Variants in RP1 observed in about 807,000 individuals in gnomAD.
The protein encoded by RP1 is RP1 axonemal microtubule associated.
Under a neutral mutation model 14.8 loss-of-function variants are expected in RP1, and 16 were observed. The observed-to-expected ratio is 1.08, with a 90% CI of 0.73 to 1.65. The LOEUF (loss-of-function observed/expected upper bound fraction) is 1.65. Among genes scored for constraint, RP1 ranks in the 40% most tolerant of loss-of-function variants. The pLI is 0.00. For missense variants in RP1, 2,631 were observed against 2,535.0 expected (o/e 1.04, Z -0.81); for synonymous variants, 876 against 883.6 (o/e 0.99, Z 0.15).
chr8:54,809,168 T>A (rs183613532), intron 24 of RP1, among the ~76,000 whole-genome samples: 133 of 152,324 alleles, frequency 8.7e-4, no homozygotes, highest in African/African-American at 3.1e-3. Flanking sequence ...TAGAAAGAAA[T>A]GTGGCTCTAT....
At chr8:54,851,547 T>A (rs1812061307) in intron 25 of RP1, among the ~76,000 whole-genome samples, 1 of 152,206 alleles carries the variant, frequency 6.6e-6, no homozygotes, top group African/African-American at 2.4e-5. Context: ...CAGTTCCACA[T>A]GTTGTCAGAC....
At chr8:54,635,128 A>G (rs1007256556), downstream of RP1, among the ~76,000 whole-genome samples, 10 of 152,028 alleles carry the variant, frequency 6.6e-5, no homozygotes, top group African/African-American at 2.2e-4. Flanking sequence ...TTTTTTATCA[A>G]TGGGAATTCT....
At chr8:54,659,483 G>A (rs1455366164) in intron 6 of RP1, among the ~76,000 whole-genome samples, 1 of 151,968 alleles carries the variant, frequency 6.6e-6, no homozygotes, top group Non-Finnish European at 1.5e-5. Flanking sequence ...ATTTATCGAC[G>A]AGACTGTCTT....
exon 13 of RP1, chr8:54,699,552 T>A (rs1204294892): frequency 7.2e-7 from 1 of 1,389,338 alleles, no homozygotes; most frequent in African/African-American, 1.4e-5. Context: ...CTCTTGACAA[T>A]GGCATTGTCA....
At chr8:54,716,573 A>C (rs1388523632) in intron 15 of RP1, among the ~76,000 whole-genome samples, 1 of 152,138 alleles carries the variant, frequency 6.6e-6, no homozygotes, top group Non-Finnish European at 1.5e-5. Context: ...CATTTTGGGC[A>C]ACATAGGGCT....
chr8:54,775,692 A>G (rs886684355), intron 23 of RP1, among the ~76,000 whole-genome samples: 3 of 152,174 alleles, frequency 2.0e-5, no homozygotes, highest in African/African-American at 7.2e-5. Flanking sequence ...ATAAGAAATG[A>G]TTGTCATTGT....
intron 22 of RP1, among the ~76,000 whole-genome samples, chr8:54,765,430 G>A (rs779884628): frequency 6.6e-6 from 1 of 152,222 alleles, no homozygotes; most frequent in Non-Finnish European, 1.5e-5. Flanking sequence ...AGGAAAAGAA[G>A]CAGGGGCAGC....
At chr8:54,674,745 T>C (rs1334027375) in intron 8 of RP1, among the ~76,000 whole-genome samples, 1 of 152,046 alleles carries the variant, frequency 6.6e-6, no homozygotes, top group Non-Finnish European at 1.5e-5. Flanking sequence ...AAAAAAATTA[T>C]GAGTAAGATT....
intron 1 of RP1, among the ~76,000 whole-genome samples, chr8:54,601,929 A>G (rs1048289610): frequency 2.2e-4 from 34 of 152,188 alleles, no homozygotes; most frequent in Non-Finnish European, 4.1e-4. Flanking sequence ...GGGCTGGTGT[A>G]GGGGTGGTGG....
At chr8:54,634,891 C>T (rs945485521), downstream of RP1, among the ~76,000 whole-genome samples, 5 of 152,030 alleles carry the variant, frequency 3.3e-5, no homozygotes, top group Non-Finnish European at 5.9e-5. Flanking sequence ...ACCATCCTGG[C>T]GAACACGTTG....
At chr8:54,562,683 A>T (rs1563312989) in intron 1 of RP1, among the ~76,000 whole-genome samples, 1 of 152,216 alleles carries the variant, frequency 6.6e-6, no homozygotes, top group Non-Finnish European at 1.5e-5. Flanking sequence ...TCAAAAAAAA[A>T]AAAATCTTTT....
chr8:54,868,650 G>T (rs1384171378), intron 28 of RP1, among the ~76,000 whole-genome samples: 1 of 152,016 alleles, frequency 6.6e-6, no homozygotes, highest in Non-Finnish European at 1.5e-5. Flanking sequence ...CTATGATTTT[G>T]TGAATTATCT....
intron 1 of RP1, among the ~76,000 whole-genome samples, chr8:54,575,714 C>A (rs1055201958): frequency 1.3e-5 from 2 of 152,036 alleles, no homozygotes; most frequent in African/African-American, 2.4e-5. Context: ...TGGATTTGTG[C>A]ACAGATTATT....
intron 24 of RP1, among the ~76,000 whole-genome samples, chr8:54,831,385 G>T (rs1811520148): frequency 7.2e-6 from 1 of 139,166 alleles, no homozygotes; most frequent in Non-Finnish European, 1.6e-5. Context: ...CTCTTTTTTG[G>T]GATAACCTAT....
intron 21 of RP1, among the ~76,000 whole-genome samples, chr8:54,758,368 C>A (rs1293426044): frequency 1.3e-5 from 2 of 150,092 alleles, no homozygotes; most frequent in African/African-American, 4.9e-5. Context: ...AGAGTCCAGG[C>A]TACTCTTTTA....
chr8:54,565,442 G>A (rs1328184856), intron 1 of RP1, among the ~76,000 whole-genome samples: 1 of 152,160 alleles, frequency 6.6e-6, no homozygotes, highest in East Asian at 1.9e-4. Context: ...TCATGCGCCT[G>A]TAATCCCATG....
At chr8:54,738,850 C>CA (rs1329311166) in intron 18 of RP1, 3 of 711,810 alleles carry the variant, frequency 4.2e-6, no homozygotes, top group South Asian at 2.9e-5. Flanking sequence ...CTATTAGGAA[C>CA]AAAAAATGCA....
chr8:54,764,264 G>T (rs1333214654), intron 22 of RP1, among the ~76,000 whole-genome samples: 1 of 152,240 alleles, frequency 6.6e-6, no homozygotes, highest in East Asian at 1.9e-4. Context: ...CACACAGCAG[G>T]CCTACAGCTC....
At chr8:54,837,653 G>T in exon 25 of RP1, 1 of 1,230,952 alleles carries the variant, frequency 8.1e-7, no homozygotes, top group Non-Finnish European at 1.0e-6. Context: ...TGGGACCAAA[G>T]AAAGCACCTT....
Sources: gnomAD v4.1 joint callset for allele counts (sites outside exome capture counted in the v4.1 genomes callset) on GRCh38, gnomAD v4.1.1 for gene constraint, MANE v1.5 for transcripts, NCBI Gene and HGNC (gene_info 2026-07-23, HGNC 2026-07-21) for gene names.